SPN: variants seen among roughly 807,000 people sequenced by gnomAD.
SPN encodes sialophorin, also known as leukosialin.
In SPN, 6 loss-of-function variants were observed where a neutral mutation model predicts 8.4. That is an observed-to-expected ratio of 0.72 (90% CI 0.39 to 1.42). The LOEUF (loss-of-function observed/expected upper bound fraction) is 1.42. SPN is among the 40% of genes most tolerant of loss of function. The pLI, the probability that SPN is intolerant of heterozygous loss-of-function variation, is 0.02. For synonymous variants in SPN, 201 were observed against 222.6 expected (o/e 0.90, Z 0.86); for missense variants, 517 against 530.6 (o/e 0.97, Z 0.25).
Position 29,666,748 on chromosome 16 carries a change from C to T in SPN, c.*1817C>T. 2.6e-6 allele frequency: 1 copy of T among 391,678 alleles called. No homozygotes were observed. Among genetic ancestry groups the T allele is most frequent in the South Asian group, 1.9e-5 (1 of 52,828 alleles). The allele number at this position is 391,678 out of a possible 1,614,324, so 24.3% of individuals were successfully genotyped here. Reference sequence around the variant, plus strand: ...CAGTGAGAGTGAGTGAAGGAGGGGCCTGGAGCCAGGGACTTCCCCTGTGGG... The same window carrying T: ...CAGTGAGAGTGAGTGAAGGAGGGGCTTGGAGCCAGGGACTTCCCCTGTGGG... On this transcript the variant is annotated 3_prime_UTR_variant, in exon 2 of 2. Coordinates refer to ENST00000652691, the MANE Select transcript of SPN (RefSeq NM_003123.6).
chr16:29,664,013 C>T lies in SPN; in HGVS notation c.285C>T (p.Tyr95=). Residue 95 remains tyrosine, a synonymous_variant, in exon 2 of 2, where the codon TAC becomes TAT. Transcript: ENST00000652691. This position sits in a 1 kb window ranked among gnomAD's most constrained non-coding sequence, Gnocchi z 6.4. The stretch of plus-strand genomic sequence containing the variant: ...CCCCTTTACCTGAGCCAACAACCTA[C>T]CAGGAAGTTTCCATCAAGATGTCAT... ...TGSPLPEPTT[Y]QEVSIKMSSV... 6.2e-7 allele frequency: 1 copy of T among 1,614,120 alleles called. No individual in the cohort carries two copies. Among genetic ancestry groups the T allele is most frequent in the Non-Finnish European group, 8.5e-7 (1 of 1,180,018 alleles).
At position 29,664,099 on chromosome 16, in the gene SPN, C is replaced by T. The variant is rs1596770173; in HGVS notation, c.371C>T (p.Ser124Phe). The change falls in exon 2 of 2, where the codon TCT becomes TTT. Residue 124 changes from serine (S) to phenylalanine (F), a missense_variant. Physicochemically the swap from Ser to Phe is radical, Grantham distance 155. Coordinates refer to ENST00000652691, the MANE Select transcript of SPN (RefSeq NM_003123.6). This position sits in a 1 kb window ranked among gnomAD's most constrained non-coding sequence, Gnocchi z 6.4. ...SHPAVPITAN[S>F]LGSHTVTGGT... ...CCTGCTGTTCCCATAACAGCAAACT[C>T]TCTAGGATCCCACACCGTGACAGGT... The T allele has an allele frequency of 6.2e-7, 1 of 1,614,086 alleles. No individual in the cohort carries two copies. Among genetic ancestry groups the T allele is most frequent in the Non-Finnish European group, 8.5e-7 (1 of 1,180,004 alleles).
At position 29,670,037 on chromosome 16, in the gene SPN, A is replaced by C. The variant is rs966241914; in HGVS notation, c.*5106A>C. ...ACCCCTATCTCTACAAAAAATTTGA[A>C]ATATGAAAAATTAGCCAGGTGTAGT... On this transcript the variant is annotated 3_prime_UTR_variant, in exon 2 of 2. Coordinates refer to ENST00000652691, the MANE Select transcript of SPN (RefSeq NM_003123.6). The C allele has an allele frequency of 1.8e-5, 3 of 166,742 alleles. No homozygotes were observed. The highest frequency in any genetic ancestry group is 4.4e-5 in the Non-Finnish European group (3 of 68,110). The allele number at this position is 166,742 out of a possible 1,614,324, so 10.3% of individuals were successfully genotyped here.
rs1966773051 is a variant in SPN at position 29,664,208 on chromosome 16, C to T, written c.480C>T (p.Thr160=). Residue 160 remains threonine, a synonymous_variant, in exon 2 of 2, where the codon ACC becomes ACT. Coordinates refer to ENST00000652691, the MANE Select transcript of SPN (RefSeq NM_003123.6). The surrounding 1 kb of genome is among the most constrained non-coding windows in gnomAD (Gnocchi z 6.4). ...CCACGGCAGCTAGCTCTCTGGAGAC[C>T]TCCAGAGGCACCTCTGGACCCCCTC... ...PVTTAASSLE[T]SRGTSGPPLT... The T allele has an allele frequency of 1.2e-6, 2 of 1,613,890 alleles. No homozygotes were observed. Among genetic ancestry groups the T allele is most frequent in the Non-Finnish European group, 8.5e-7 (1 of 1,179,980 alleles).
In SPN at chr16:29,664,505, T is replaced by C. The variant is rs766840037; in HGVS notation, c.777T>C (p.Ala259=). The change falls in exon 2 of 2, where the codon GCT becomes GCC. Residue 259 remains alanine (A), a synonymous_variant. Transcript: ENST00000652691. The surrounding 1 kb of genome is among the most constrained non-coding windows in gnomAD (Gnocchi z 6.4). ...ACTCACGAGGCATGCTGCCAGTGGC[T>C]GTGCTTGTGGCCCTGCTGGCGGTCA... is the stretch of plus-strand genomic sequence containing the variant. ...DENSRGMLPV[A]VLVALLAVIV... 25 of 1,614,100 alleles carry C rather than the reference T, an allele frequency of 1.5e-5. No homozygotes were observed. In the East Asian group the frequency reaches 5.6e-4, roughly 36 times the overall value.
In SPN at chr16:29,665,746, C is replaced by T. The variant is rs1966800746; in HGVS notation, c.*815C>T. ...CCCTGTAGCTGCAAGGGCTGTGGAA[C>T]CTGGGCAGCCCGCAACCACCTTTAG... is the stretch of plus-strand genomic sequence containing the variant. On this transcript the variant is annotated 3_prime_UTR_variant, in exon 2 of 2. Transcript: ENST00000652691. The T allele has an allele frequency of 6.0e-6, 1 of 167,174 alleles. No homozygotes were observed. 10.4% of individuals were successfully genotyped at this position (167,174 alleles called of 1,614,324 possible). A position where few individuals can be genotyped will look rare whatever the true frequency, so the allele number is the denominator to read the frequency against.
rs764970143 is a variant in SPN, at chr16:29,664,681, C to T, written c.953C>T (p.Thr318Ile). ...CCTGAGGAGGGGGCCGTGACAGTGA[C>T]CGTGGGAGGGTCCGGGGGCGACAAG... Reference protein sequence around the residue: ...QVPEEGAVTVTVGGSGGDKGS... With the variant: ...QVPEEGAVTVIVGGSGGDKGS... The change falls in exon 2 of 2, where the codon ACC (threonine) becomes ATC (isoleucine). Residue 318 changes from threonine to isoleucine, a missense_variant. Transcript: ENST00000652691. This position sits in a 1 kb window ranked among gnomAD's most constrained non-coding sequence, Gnocchi z 6.4. The T allele has an allele frequency of 1.3e-6, 2 of 1,500,668 alleles. No homozygotes were observed. The highest frequency in any genetic ancestry group is 2.7e-5 in the South Asian group (2 of 73,994). The allele number at this position is 1,500,668 out of a possible 1,614,324, so 93.0% of individuals were successfully genotyped here.
Position 29,664,862 on chromosome 16 carries a change from CA to C in SPN, c.1135del (p.Ser379ValfsTer26). 1 of 1,495,192 alleles carries C rather than the reference CA, an allele frequency of 6.7e-7. No individual in the cohort carries two copies. Among genetic ancestry groups the C allele is most frequent in the Non-Finnish European group, 8.9e-7 (1 of 1,125,208 alleles). 92.6% of individuals were successfully genotyped at this position (1,495,192 alleles called of 1,614,324 possible). On this transcript the variant is annotated frameshift_variant, in exon 2 of 2. Coordinates refer to ENST00000652691, the MANE Select transcript of SPN (RefSeq NM_003123.6). LOFTEE classifies it high-confidence loss of function. This position sits in a 1 kb window ranked among gnomAD's most constrained non-coding sequence, Gnocchi z 6.4. ...AAGGGGAGGAGGAGCCACTGGTGGC[CA>C]GTGAGGATGGGGCTGTGGACGCCCC... is the stretch of plus-strand genomic sequence containing the variant. ...LKGEEEPLVASEDGAVDAPAP... is the reference protein window; with the variant it reads ...LKGEEEPLVAXEDGAVDAPAP...
At position 29,666,906 on chromosome 16, in the gene SPN, T is replaced by C; in HGVS notation, c.*1975T>C. On this transcript the variant is annotated 3_prime_UTR_variant, in exon 2 of 2. Coordinates refer to ENST00000652691, the MANE Select transcript of SPN (RefSeq NM_003123.6). ...GAGGAAATTTTCAAAGAGGAAGTTG[T>C]TGAGTTAGAGCTTGCGGTGGCTGAG... 1 of 470,652 alleles carries C rather than the reference T, an allele frequency of 2.1e-6. No homozygotes were observed. The highest frequency in any genetic ancestry group is 6.9e-5 in the East Asian group (1 of 14,394). The allele number at this position is 470,652 out of a possible 1,614,324, so 29.2% of individuals were successfully genotyped here.
chr16:29,664,819 G>A lies in SPN; in HGVS notation c.1091G>A (p.Gly364Glu), dbSNP rs1178458966. The A allele has an allele frequency of 1.3e-6, 2 of 1,503,318 alleles. No homozygotes were observed. Among genetic ancestry groups the A allele is most frequent in the African/African-American group, 1.4e-5 (1 of 71,334 alleles). 93.1% of individuals were successfully genotyped at this position (1,503,318 alleles called of 1,614,324 possible). ...CTGGCGATGGAGGAGCTGAAGTCTG[G>A]GTCAGGCCCCAGCCTCAAAGGGGAG... ...GSLAMEELKS[G>E]SGPSLKGEEE... Residue 364 changes from glycine (G) to glutamate (E), a missense_variant, in exon 2 of 2, where the codon GGG (glycine) becomes GAG (glutamate). By Grantham distance (98) the Gly-to-Glu change is moderately conservative. Coordinates refer to ENST00000652691, the MANE Select transcript of SPN (RefSeq NM_003123.6). This position sits in a 1 kb window ranked among gnomAD's most constrained non-coding sequence, Gnocchi z 6.4.
chr16:29,664,242 G>A lies in SPN; in HGVS notation c.514G>A (p.Ala172Thr), dbSNP rs1596770442. Residue 172 changes from alanine (A) to threonine (T), a missense_variant, in exon 2 of 2, where the codon GCA becomes ACA. Coordinates refer to ENST00000652691, the MANE Select transcript of SPN (RefSeq NM_003123.6). The surrounding 1 kb of genome is among the most constrained non-coding windows in gnomAD (Gnocchi z 6.4). ...CACCTCTGGACCCCCTCTTACCATG[G>A]CAACTGTCTCTCTGGAGACTTCCAA... Reference protein sequence around the residue: ...RGTSGPPLTMATVSLETSKGT... With the variant: ...RGTSGPPLTMTTVSLETSKGT... 6.2e-7 allele frequency: 1 copy of A among 1,613,612 alleles called. No individual in the cohort carries two copies. Among genetic ancestry groups the A allele is most frequent in the Non-Finnish European group, 8.5e-7 (1 of 1,179,900 alleles).
At position 29,664,252 on chromosome 16, in the gene SPN, C is replaced by CTCCA; in HGVS notation, c.526_527insCATC (p.Leu176ProfsTer18). The CTCCA allele has an allele frequency of 6.2e-7, 1 of 1,613,976 alleles. No individual in the cohort carries two copies. Among genetic ancestry groups the CTCCA allele is most frequent in the Non-Finnish European group, 8.5e-7 (1 of 1,179,958 alleles). On this transcript the variant is annotated frameshift_variant, in exon 2 of 2. Coordinates refer to ENST00000652691, the MANE Select transcript of SPN (RefSeq NM_003123.6). LOFTEE classifies it high-confidence loss of function. The surrounding 1 kb of genome is among the most constrained non-coding windows in gnomAD (Gnocchi z 6.4). The stretch of plus-strand genomic sequence containing the variant: ...CCCCCTCTTACCATGGCAACTGTCT[C>CTCCA]TCTGGAGACTTCCAAAGGCACCTCT...
At position 29,664,114 on chromosome 16, in the gene SPN, C is replaced by T. The variant is rs2142280002; in HGVS notation, c.386C>T (p.Thr129Ile). ...PITANSLGSHTVTGGTITTNS... is the reference protein window; with the variant it reads ...PITANSLGSHIVTGGTITTNS... ...ACAGCAAACTCTCTAGGATCCCACA[C>T]CGTGACAGGTGGAACCATAACAACG... is the stretch of plus-strand genomic sequence containing the variant. The change falls in exon 2 of 2, where the codon ACC becomes ATC. Residue 129 changes from threonine (T) to isoleucine (I), a missense_variant. Transcript: ENST00000652691. This position sits in a 1 kb window ranked among gnomAD's most constrained non-coding sequence, Gnocchi z 6.4. 1 of 1,614,130 alleles carries T rather than the reference C, an allele frequency of 6.2e-7. No individual in the cohort carries two copies. Among genetic ancestry groups the T allele is most frequent in the Non-Finnish European group, 8.5e-7 (1 of 1,180,024 alleles).
Position 29,670,760 on chromosome 16 carries a change from T to G in SPN, c.*5829T>G, listed in dbSNP as rs1567323373. The G allele has an allele frequency of 2.2e-6, 1 of 456,044 alleles. No homozygotes were observed. Among genetic ancestry groups the G allele is most frequent in the Admixed American group, 2.4e-5 (1 of 42,550 alleles). The allele number at this position is 456,044 out of a possible 1,614,324, so 28.2% of individuals were successfully genotyped here. On this transcript the variant is annotated 3_prime_UTR_variant, in exon 2 of 2. Coordinates refer to ENST00000652691, the MANE Select transcript of SPN (RefSeq NM_003123.6). ...GAAACAAAGGACCCATCGCAAATGT[T>G]TTCCATGCTGATCTCCAAAGTGGTG...
chr16:29,664,439 C>T lies in SPN; in HGVS notation c.711C>T (p.Ser237=). 3 of 1,614,200 alleles carry T rather than the reference C, an allele frequency of 1.9e-6. No individual in the cohort carries two copies. Among genetic ancestry groups the T allele is most frequent in the South Asian group, 1.1e-5 (1 of 91,088 alleles). Residue 237 remains serine, a synonymous_variant, in exon 2 of 2, where the codon TCC becomes TCT. Coordinates refer to ENST00000652691, the MANE Select transcript of SPN (RefSeq NM_003123.6). This position sits in a 1 kb window ranked among gnomAD's most constrained non-coding sequence, Gnocchi z 6.4. ...KLSTMMSPTT[S]TNASTVPFRN... The stretch of plus-strand genomic sequence containing the variant: ...CTACAATGATGTCTCCAACGACCTC[C>T]ACCAACGCAAGCACTGTGCCCTTCC...
rs1596769715 is a variant in SPN at position 29,663,666 on chromosome 16, G to C, written c.-34-29G>C. On this transcript the variant is annotated intron_variant, in intron 1 of 1. Coordinates refer to ENST00000652691, the MANE Select transcript of SPN (RefSeq NM_003123.6). The surrounding 1 kb of genome is among the most constrained non-coding windows in gnomAD (Gnocchi z 4.3). ...CCAGGTCCTCCGGCAACTCCCGCGT[G>C]TTCTGCTTCTCCGGCTGCCCACCTG... 1 of 1,513,686 alleles carries C rather than the reference G, an allele frequency of 6.6e-7. No individual in the cohort carries two copies. Among genetic ancestry groups the C allele is most frequent in the East Asian group, 2.3e-5 (1 of 43,906 alleles). The allele number at this position is 1,513,686 out of a possible 1,614,324, so 93.8% of individuals were successfully genotyped here. A position where few individuals can be genotyped will look rare whatever the true frequency, so the allele number is the denominator to read the frequency against.
At position 29,663,945 on chromosome 16, in the gene SPN, G is replaced by A. The variant is rs774122462; in HGVS notation, c.217G>A (p.Glu73Lys). The A allele has an allele frequency of 1.9e-6, 3 of 1,613,972 alleles. No individual in the cohort carries two copies. In the African/African-American group the frequency reaches 4.0e-5, roughly 22 times the overall value. The stretch of plus-strand genomic sequence containing the variant: ...CCTACCTCCCTCAACTTCCATCAAT[G>A]AGGGATCCCCTCTTTGGACTTCCAT... ...SALPPSTSINEGSPLWTSIGA... is the reference protein window; with the variant it reads ...SALPPSTSINKGSPLWTSIGA... Residue 73 changes from glutamate (E) to lysine (K), a missense_variant, in exon 2 of 2, where the codon GAG (glutamate) becomes AAG (lysine). Coordinates refer to ENST00000652691, the MANE Select transcript of SPN (RefSeq NM_003123.6). This position sits in a 1 kb window ranked among gnomAD's most constrained non-coding sequence, Gnocchi z 4.3.
rs1356465255 is a variant in SPN at position 29,667,306 on chromosome 16, A to G, written c.*2375A>G. ...CAGGTTTAGAAAATACTGTCACCGA[A>G]CGAACGTCGCTGTCCTCAGCTCCAC... On this transcript the variant is annotated 3_prime_UTR_variant, in exon 2 of 2. Transcript: ENST00000652691. The G allele has an allele frequency of 3.8e-6, 1 of 265,268 alleles. No homozygotes were observed. The allele number at this position is 265,268 out of a possible 1,614,324, so 16.4% of individuals were successfully genotyped here.
rs1966806229 is a variant in SPN at position 29,666,131 on chromosome 16, C to T, written c.*1200C>T. ...AGGGTCAACCTGGGCATGGGGGACA[C>T]AGGGACTGCTGAGAACGTGCGTGTC... On this transcript the variant is annotated 3_prime_UTR_variant, in exon 2 of 2. Coordinates refer to ENST00000652691, the MANE Select transcript of SPN (RefSeq NM_003123.6). 6.0e-6 allele frequency: 1 copy of T among 167,194 alleles called. No homozygotes were observed. The highest frequency in any genetic ancestry group is 2.1e-4 in the South Asian group (1 of 4,850). 10.4% of individuals were successfully genotyped at this position (167,194 alleles called of 1,614,324 possible).
Sources: gnomAD v4.1 joint callset for allele counts on GRCh38, gnomAD v4.1.1 for gene constraint, Gnocchi (gnomAD v3.1) non-coding constraint, MANE v1.5 for transcripts, NCBI Gene and HGNC (gene_info 2026-07-23, HGNC 2026-07-21) for gene names.